Variants in PCBP3 observed in about 807,000 individuals in gnomAD.
PCBP3 encodes the protein poly(rC) binding protein 3, also known as poly(rC)-binding protein 3.
A neutral mutation model predicts 52.7 loss-of-function variants in PCBP3; 25 were observed. The ratio of observed to expected loss-of-function variants is 0.47; its 90% CI spans 0.35 to 0.66. The LOEUF is 0.66. Ranked by LOEUF, PCBP3 falls within the 30% of genes least tolerant of loss-of-function variation. The pLI is 0.01. For synonymous variants in PCBP3, 162 were observed against 183.0 expected (o/e 0.89, Z 0.93); for missense variants, 391 against 490.3 (o/e 0.80, Z 1.91).
At position 45,904,777 on chromosome 21, in the gene PCBP3, T is replaced by TG. The variant is rs1471766967; in HGVS notation, c.339+3665dup. Among the ~76,000 whole-genome samples the TG allele has an allele frequency of 6.6e-6, 1 of 152,132 alleles. No individual in the cohort carries two copies. Among genetic ancestry groups the TG allele is most frequent in the Non-Finnish European group, 1.5e-5 (1 of 68,022 alleles). On this transcript the variant is annotated intron_variant, in intron 9 of 17. Transcript: ENST00000681687. This position sits in a 1 kb window ranked among gnomAD's most constrained non-coding sequence, Gnocchi z 4.8. ...TACCTGAAGGTGCTCAGAGGGCCCT[T>TG]GAGTCGTCGCTCTGGGGCCGTGTCT...
intron 2 of PCBP3, among the ~76,000 whole-genome samples, chr21:45,682,375 G>T (rs1171527255): frequency 6.6e-6 from 1 of 152,084 alleles, no homozygotes; most frequent in African/African-American, 2.4e-5. Flanking sequence ...TTAGTGGGAG[G>T]AATACAGAAA....
intron 2 of PCBP3, among the ~76,000 whole-genome samples, chr21:45,691,844 A>G (rs1366471522): frequency 1.3e-5 from 2 of 152,184 alleles, no homozygotes; most frequent in African/African-American, 2.4e-5. Flanking sequence ...TTGACTGGAA[A>G]CTAAAGGAGT....
At chr21:45,644,154 C>T (rs1437889367) in intron 1 of PCBP3, among the ~76,000 whole-genome samples, 2 of 151,330 alleles carry the variant, frequency 1.3e-5, no homozygotes, top group African/African-American at 4.8e-5. Context: ...GGCGGGAAGC[C>T]GAGAACGTCT....
chr21:45,733,435 C>T (rs571145249), intron 2 of PCBP3, among the ~76,000 whole-genome samples: 6 of 151,888 alleles, frequency 4.0e-5, no homozygotes, highest in South Asian at 2.1e-4. Context: ...TACAGGCGCC[C>T]GCCATCATGC....
At chr21:45,693,768 A>G (rs1367262941) in intron 2 of PCBP3, among the ~76,000 whole-genome samples, 1 of 152,194 alleles carries the variant, frequency 6.6e-6, no homozygotes, top group Non-Finnish European at 1.5e-5. Flanking sequence ...TGTCATAGAC[A>G]GACCTGCACT....
chr21:45,899,618 G>T lies in PCBP3; in HGVS notation c.185G>T (p.Gly62Val). Reference sequence around the variant, plus strand: ...TTGCAGGAAGTTGGAAGCATCATCGGGAAGGTAATTATTGATTGAATCTCT... The same window carrying T: ...TTGCAGGAAGTTGGAAGCATCATCGTGAAGGTAATTATTGATTGAATCTCT... The part of the protein sequence containing the change: ...MHGKEVGSII[G>V]KKGETVKKMR... The change falls in exon 7 of 18, where the codon GGG becomes GTG. Residue 62 changes from glycine (G) to valine (V), a missense_variant. By Grantham distance (109) the Gly-to-Val change is moderately radical. Coordinates refer to ENST00000681687, the MANE Select transcript of PCBP3 (RefSeq NM_001384156.1). The T allele has an allele frequency of 6.2e-7, 1 of 1,609,872 alleles. No homozygotes were observed. The highest frequency in any genetic ancestry group is 8.5e-7 in the Non-Finnish European group (1 of 1,176,304).
intron 2 of PCBP3, among the ~76,000 whole-genome samples, chr21:45,695,066 A>G (rs1229655697): frequency 6.6e-6 from 1 of 152,228 alleles, no homozygotes; most frequent in Non-Finnish European, 1.5e-5. Context: ...TATACTATCA[A>G]GCTATAGTAA....
intron 16 of PCBP3, among the ~76,000 whole-genome samples, chr21:45,939,609 C>T (rs769998866): frequency 2.2e-4 from 33 of 152,256 alleles, no homozygotes; most frequent in Non-Finnish European, 4.6e-4. Flanking sequence ...GAAGGGGTCT[C>T]CCTGGGATGT....
Position 45,782,051 on chromosome 21 carries a change from A to AT in PCBP3, c.-126+26609dup, listed in dbSNP as rs35855260. On this transcript the variant is annotated intron_variant, in intron 4 of 17. Transcript: ENST00000681687. Reference sequence around the variant, plus strand: ...TATTCCATTATATATCTCAAAGCTGATTTTTTTTTTCCCCCAAAGAAAGCA... The same window carrying AT: ...TATTCCATTATATATCTCAAAGCTGATTTTTTTTTTTCCCCCAAAGAAAGCA... Among the ~76,000 whole-genome samples, 492 of 151,304 alleles carry AT rather than the reference A, an allele frequency of 3.3e-3. 1 individual carries two copies. The highest frequency in any genetic ancestry group is 4.8e-3 in the Non-Finnish European group (328 of 67,800).
intron 4 of PCBP3, among the ~76,000 whole-genome samples, chr21:45,774,720 A>G (rs1221159178): frequency 6.6e-6 from 1 of 152,158 alleles, no homozygotes; most frequent in African/African-American, 2.4e-5. Context: ...AGTTTTTATC[A>G]TGAGGAGATG....
chr21:45,793,548 C>T (rs368658416), intron 4 of PCBP3, among the ~76,000 whole-genome samples: 8 of 152,164 alleles, frequency 5.3e-5, no homozygotes, highest in African/African-American at 1.7e-4. Context: ...AAGATCGTCT[C>T]CCCGAGCACA....
In PCBP3 at chr21:45,704,060, G is replaced by T. The variant is rs1433915710; in HGVS notation, c.-199-31332G>T. ...ACAAGGAGAGACGAGGATCCAGGAT[G>T]GAGGCTGGCCCTCTGGCTGATGTCA... On this transcript the variant is annotated intron_variant, in intron 2 of 17. Transcript: ENST00000681687. This position sits in a 1 kb window ranked among gnomAD's most constrained non-coding sequence, Gnocchi z 4.1. 1.3e-5 allele frequency among the ~76,000 whole-genome samples: 2 copies of T among 152,202 alleles called. No individual in the cohort carries two copies. Among genetic ancestry groups the T allele is most frequent in the African/African-American group, 4.8e-5 (2 of 41,446 alleles).
chr21:45,925,178 A>T (rs555469284), intron 13 of PCBP3, among the ~76,000 whole-genome samples: 2 of 150,336 alleles, frequency 1.3e-5, no homozygotes, highest in East Asian at 3.9e-4. Flanking sequence ...GAGTGGGTAG[A>T]AACAGCACAC....
In PCBP3 at chr21:45,791,089, AG is replaced by A. The variant is rs1432356335; in HGVS notation, c.-126+35638del. Among the ~76,000 whole-genome samples the A allele has an allele frequency of 6.6e-6, 1 of 152,154 alleles. No individual in the cohort carries two copies. Among genetic ancestry groups the A allele is most frequent in the African/African-American group, 2.4e-5 (1 of 41,438 alleles). On this transcript the variant is annotated intron_variant, in intron 4 of 17. Coordinates refer to ENST00000681687, the MANE Select transcript of PCBP3 (RefSeq NM_001384156.1). This position sits in a 1 kb window ranked among gnomAD's most constrained non-coding sequence, Gnocchi z 4.2. ...AGGGGCTGGCTGGCCCACCGAGGCC[AG>A]CATCTTGCAGTGGCGAAGGTGCAGA...
In PCBP3 at chr21:45,910,950, A is replaced by G; in HGVS notation, c.520A>G (p.Thr174Ala). The change falls in exon 11 of 18, where the codon ACG (threonine) becomes GCG (alanine). Residue 174 changes from threonine (T) to alanine (A), a missense_variant. Physicochemically the swap from Thr to Ala is moderately conservative, Grantham distance 58 (BLOSUM62 0). Transcript: ENST00000681687. Reference sequence around the variant, plus strand: ...GGCTGGGGACATGCTGCCCAACTCCACGGAGCGAGCGGTGACCATCTCGGG... The same window carrying G: ...GGCTGGGGACATGCTGCCCAACTCCGCGGAGCGAGCGGTGACCATCTCGGG... ...QVAGDMLPNS[T>A]ERAVTISGTP... The G allele has an allele frequency of 6.2e-7, 1 of 1,611,720 alleles. No individual in the cohort carries two copies. The highest frequency in any genetic ancestry group is 8.5e-7 in the Non-Finnish European group (1 of 1,179,830).
chr21:45,888,490 T>C (rs2095574294), intron 5 of PCBP3, among the ~76,000 whole-genome samples: 1 of 152,168 alleles, frequency 6.6e-6, no homozygotes, highest in African/African-American at 2.4e-5. Flanking sequence ...GGCCCCTCAC[T>C]CACCTGGGTC....
intron 16 of PCBP3, among the ~76,000 whole-genome samples, chr21:45,938,873 G>A (rs1349271901): frequency 6.6e-6 from 1 of 152,218 alleles, no homozygotes; most frequent in Non-Finnish European, 1.5e-5. Flanking sequence ...AGGGCTGGCT[G>A]GCAGGGCACC....
At chr21:45,738,543 T>C (rs1322427668) in intron 3 of PCBP3, among the ~76,000 whole-genome samples, 1 of 152,214 alleles carries the variant, frequency 6.6e-6, no homozygotes, top group Non-Finnish European at 1.5e-5. Flanking sequence ...CGTGAGCCAC[T>C]GCGCCTGGCC....
At position 45,652,947 on chromosome 21, in the gene PCBP3, G is replaced by A. The variant is rs534210999; in HGVS notation, c.-279+9079G>A. The stretch of plus-strand genomic sequence containing the variant: ...CAATGCCTCAACTACATCATACAAA[G>A]TTTGATCTAAGGCATTTTCATTATT... On this transcript the variant is annotated intron_variant, in intron 1 of 17. Transcript: ENST00000681687. 3.9e-5 allele frequency among the ~76,000 whole-genome samples: 6 copies of A among 152,218 alleles called. No individual in the cohort carries two copies. In the South Asian group the frequency reaches 1.2e-3, roughly 32 times the overall value.
Sources: allele counts gnomAD v4.1 joint callset (sites outside exome capture counted in the v4.1 genomes callset), GRCh38; gene constraint gnomAD v4.1.1; non-coding constraint Gnocchi (gnomAD v3.1); transcripts MANE v1.5; gene names NCBI Gene and HGNC (gene_info 2026-07-23, HGNC 2026-07-21).